FYB2: variants seen among roughly 807,000 people sequenced by gnomAD.
FYB2 encodes the protein FYN binding protein 2, also known as FYN-binding protein 2.
FYB2 carries 103 observed loss-of-function variants against 94.1 expected under a neutral mutation model. That is an observed-to-expected ratio of 1.09 (90% CI 0.93 to 1.29). FYB2 has a LOEUF of 1.29. Among genes scored for constraint, FYB2 ranks in the 50% most tolerant of loss-of-function variants. FYB2 has a pLI of 0.00. For synonymous variants in FYB2, 293 were observed against 287.9 expected (o/e 1.02, Z -0.18); for missense variants, 896 against 841.5 (o/e 1.06, Z -0.80).
At chr1:56,791,093 C>A (rs1048533496) in intron 2 of FYB2, among the ~76,000 whole-genome samples, 1 of 152,094 alleles carries the variant, frequency 6.6e-6, no homozygotes, top group Non-Finnish European at 1.5e-5. Context: ...AGTTTAGATT[C>A]TATTCCAAGT....
At position 56,740,782 on chromosome 1, in the gene FYB2, C is replaced by A; in HGVS notation, c.1618G>T (p.Glu540Ter). The change falls in exon 13 of 20, where the codon GAA becomes TAA. Residue 540 changes from glutamate (E) to a stop codon, truncating the protein, a stop_gained. Transcript: ENST00000343433. LOFTEE classifies it high-confidence loss of function. ...AATTGCTGCAGTCTTTTGAGTGCTT[C>A]TTTTCCATCTAAACTGAGAGGAATC... Reference protein sequence around the residue: ...NYPKIDLDGKEALKRLQQFFK... With the variant: ...NYPKIDLDGK 1 of 1,602,128 alleles carries A rather than the reference C, an allele frequency of 6.2e-7. No homozygotes were observed. Among genetic ancestry groups the A allele is most frequent in the Non-Finnish European group, 8.5e-7 (1 of 1,172,410 alleles).
At chr1:56,742,655 C>T (rs1385074473) in intron 11 of FYB2, among the ~76,000 whole-genome samples, 1 of 152,222 alleles carries the variant, frequency 6.6e-6, no homozygotes, top group Admixed American at 6.5e-5. Context: ...TAGCCCAACA[C>T]ATAAGCTTAA....
At chr1:56,760,599 C>T (rs1480173577) in intron 5 of FYB2, among the ~76,000 whole-genome samples, 1 of 152,038 alleles carries the variant, frequency 6.6e-6, no homozygotes, top group African/African-American at 2.4e-5. Context: ...TAATAATCTC[C>T]TCCTTTCTAC....
rs776025017 is a variant in FYB2, at chr1:56,723,630, GTTCTT to G, written c.1927_1931del (p.Lys643GlnfsTer10). 5.7e-6 allele frequency: 9 copies of G among 1,570,284 alleles called. No homozygotes were observed. Among genetic ancestry groups the G allele is most frequent in the Admixed American group, 5.1e-5 (3 of 58,414 alleles). ...ATAGTTTTTCTTCTCTTTTCATTCT[GTTCTT>G]TTCTAAGTTTTGCTTCTTGGTTTTG... is the stretch of plus-strand genomic sequence containing the variant. On this transcript the variant is annotated frameshift_variant, in exon 17 of 20. Coordinates refer to ENST00000343433, the MANE Select transcript of FYB2 (RefSeq NM_001004303.5). LOFTEE classifies it high-confidence loss of function.
chr1:56,785,052 C>T (rs943629709), intron 4 of FYB2, among the ~76,000 whole-genome samples: 16 of 152,140 alleles, frequency 1.1e-4, no homozygotes, highest in African/African-American at 1.4e-4. Flanking sequence ...TCATTTCAGA[C>T]GGAGGTTAGC....
intron 15 of FYB2, 94 bp downstream of exon 15, chr1:56,736,993 G>A (rs983057894): frequency 3.2e-6 from 3 of 949,448 alleles, no homozygotes; most frequent in Non-Finnish European, 4.9e-6. Flanking sequence ...CAATCTCCAA[G>A]GATCTGAAAA....
At chr1:56,741,447 G>A (rs1231397086) in intron 12 of FYB2, among the ~76,000 whole-genome samples, 4 of 151,980 alleles carry the variant, frequency 2.6e-5, no homozygotes, top group Admixed American at 6.6e-5. Flanking sequence ...GAATAATATA[G>A]CAGTGATGGT....
chr1:56,815,235 C>G (rs1466320397), intron 1 of FYB2, among the ~76,000 whole-genome samples: 1 of 152,114 alleles, frequency 6.6e-6, no homozygotes, highest in African/African-American at 2.4e-5. Context: ...TTCTCCCCCT[C>G]CTTCACTCGA....
At position 56,789,112 on chromosome 1, in the gene FYB2, A is replaced by G. The variant is rs772810275; in HGVS notation, c.780T>C (p.His260=). ...ATGGCTTTGTTTTGGGAAGGTGGTG[A>G]TGCCTGACATCTGGCTGTTTTTCTG... The part of the protein sequence containing the change: ...QAPEKQPDVR[H]HHLPKTKPLP... The change falls in exon 3 of 20, where the codon CAT becomes CAC. Residue 260 remains histidine, a synonymous_variant. Transcript: ENST00000343433. 64 of 1,594,192 alleles carry G rather than the reference A, an allele frequency of 4.0e-5. No homozygotes were observed. In the South Asian group the frequency reaches 6.6e-4, roughly 16 times the overall value.
At chr1:56,813,308 C>A (rs1382071319) in intron 1 of FYB2, among the ~76,000 whole-genome samples, 1 of 151,870 alleles carries the variant, frequency 6.6e-6, no homozygotes, top group African/African-American at 2.4e-5. Context: ...GCTGGGGAAG[C>A]CTCACAATCA....
intron 4 of FYB2, among the ~76,000 whole-genome samples, chr1:56,780,935 T>A (rs1470086811): frequency 3.9e-5 from 6 of 152,134 alleles, no homozygotes; most frequent in Admixed American, 3.3e-4. Flanking sequence ...CTTCAAAAAA[T>A]TCATTCTCTT....
chr1:56,786,611 G>A (rs928437076), intron 4 of FYB2, among the ~76,000 whole-genome samples: 2 of 152,134 alleles, frequency 1.3e-5, no homozygotes, highest in African/African-American at 4.8e-5. Flanking sequence ...CAAACTTTCT[G>A]AGCCCAAGTA....
rs982023304 is a variant in FYB2, at chr1:56,719,918, A to C, written c.2165+104T>G. 15 of 1,264,242 alleles carry C rather than the reference A, an allele frequency of 1.2e-5. No homozygotes were observed. In the African/African-American group the frequency reaches 2.3e-4, roughly 19 times the overall value. The allele number at this position is 1,264,242 out of a possible 1,614,324, so 78.3% of individuals were successfully genotyped here. On this transcript the variant is annotated intron_variant, in intron 19 of 19. Coordinates refer to ENST00000343433, the MANE Select transcript of FYB2 (RefSeq NM_001004303.5). ...GGGCACTGCATGTCTAATTTTTAAA[A>C]CTTATCCTGAATTTCAATAAATTCA...
At chr1:56,743,244 T>G (rs531613165) in intron 11 of FYB2, among the ~76,000 whole-genome samples, 1 of 152,086 alleles carries the variant, frequency 6.6e-6, no homozygotes, top group Non-Finnish European at 1.5e-5. Flanking sequence ...ATTCAACAGA[T>G]TTTTTTGAAT....
At position 56,785,236 on chromosome 1, in the gene FYB2, A is replaced by C. The variant is rs145407503; in HGVS notation, c.953+1939T>G. ...GCCAGAGAAGAGGTCAGCTTAGATT[A>C]GAACCAATCTGTAGGAAAAATGTGT... On this transcript the variant is annotated intron_variant, in intron 4 of 19. Coordinates refer to ENST00000343433, the MANE Select transcript of FYB2 (RefSeq NM_001004303.5). 4.6e-5 allele frequency among the ~76,000 whole-genome samples: 7 copies of C among 152,332 alleles called. No individual in the cohort carries two copies. In the East Asian group the frequency reaches 1.4e-3, roughly 29 times the overall value.
At chr1:56,820,237 A>AG (rs1195143419), upstream of FYB2, among the ~76,000 whole-genome samples, 2 of 151,850 alleles carry the variant, frequency 1.3e-5, no homozygotes, top group African/African-American at 2.4e-5. Flanking sequence ...AAAAAAAAAA[A>AG]AAAAAGTGAG....
rs555296478 is a variant in FYB2 at position 56,785,141 on chromosome 1, CT to C, written c.953+2033del. Among the ~76,000 whole-genome samples, 203 of 152,318 alleles carry C rather than the reference CT, an allele frequency of 1.3e-3. 1 individual carries two copies. Among genetic ancestry groups the C allele is most frequent in the Non-Finnish European group, 1.7e-3 (113 of 68,026 alleles). ...TTAGGAAGATGGTGCCATGTGGAGA[CT>C]GACTAATGGGCCATCACAGCAAGTT... is the stretch of plus-strand genomic sequence containing the variant. On this transcript the variant is annotated intron_variant, in intron 4 of 19. Transcript: ENST00000343433.
intron 1 of FYB2, among the ~76,000 whole-genome samples, chr1:56,805,254 T>C (rs997598969): frequency 4.6e-5 from 7 of 152,238 alleles, no homozygotes; most frequent in African/African-American, 1.7e-4. Context: ...TCTGTCACTG[T>C]GTCTAGGCAC....
At chr1:56,785,642 C>T (rs950186993) in intron 4 of FYB2, among the ~76,000 whole-genome samples, 2 of 152,130 alleles carry the variant, frequency 1.3e-5, no homozygotes, top group African/African-American at 2.4e-5. Flanking sequence ...TTCCTGTTTA[C>T]CTCTATAATC....
Sources: gnomAD v4.1 joint callset for allele counts (sites outside exome capture counted in the v4.1 genomes callset) on GRCh38, gnomAD v4.1.1 for gene constraint, MANE v1.5 for transcripts, NCBI Gene and HGNC (gene_info 2026-07-23, HGNC 2026-07-21) for gene names.